The following COL21A1 variants were observed in gnomAD, a reference collection of about 807,000 sequenced individuals.
The protein encoded by COL21A1 is collagen type XXI alpha 1 chain, also known as collagen alpha-1(XXI) chain.
Under a neutral mutation model 137.9 loss-of-function variants are expected in COL21A1, and 149 were observed. The observed-to-expected ratio is 1.08, with a 90% CI of 0.95 to 1.24. COL21A1 has a LOEUF of 1.24. COL21A1 is among the 50% of genes most tolerant of loss of function. The probability of loss-of-function intolerance (pLI) is 0.00; values close to 1 mark genes in which losing one functional copy is unlikely to be tolerated. For synonymous variants in COL21A1, 456 were observed against 391.5 expected (o/e 1.16, Z -1.95); for missense variants, 1,167 against 1,158.4 (o/e 1.01, Z -0.11).
At chr6:56,202,145 T>C (rs74360040) in intron 1 of COL21A1, among the ~76,000 whole-genome samples, 1,992 of 152,190 alleles carry the variant, frequency 0.013, 44 homozygotes, top group African/African-American at 0.045. Flanking sequence ...CTGAAGTTTT[T>C]ACTCTTTCCA....
intron 16 of COL21A1, among the ~76,000 whole-genome samples, chr6:56,109,801 A>C (rs1771256986): frequency 6.6e-6 from 1 of 152,028 alleles, no homozygotes; most frequent in Admixed American, 6.5e-5. Flanking sequence ...ACTGAAAGGT[A>C]CAAATTGCTG....
Position 56,126,079 on chromosome 6 carries a change from A to G in COL21A1, c.1596+17T>C. ...AAAATGGCTTTGCTATATTTAAAAG[A>G]AACAGATTTCTTCAACCTTTGATCC... On this transcript the variant is annotated intron_variant, in intron 13 of 29. Transcript: ENST00000244728. 2.0e-6 allele frequency: 3 copies of G among 1,515,958 alleles called. No homozygotes were observed. Among genetic ancestry groups the G allele is most frequent in the Non-Finnish European group, 2.7e-6 (3 of 1,122,592 alleles). 93.9% of individuals were successfully genotyped at this position (1,515,958 alleles called of 1,614,324 possible).
chr6:56,303,057 T>C (rs935529720), intron 1 of COL21A1, among the ~76,000 whole-genome samples: 2 of 152,202 alleles, frequency 1.3e-5, no homozygotes, highest in African/African-American at 4.8e-5. Flanking sequence ...TGGCATTATT[T>C]CTGAGGGCTG....
At chr6:56,229,161 G>T (rs1462748225) in intron 1 of COL21A1, among the ~76,000 whole-genome samples, 1 of 151,864 alleles carries the variant, frequency 6.6e-6, no homozygotes, top group Non-Finnish European at 1.5e-5. Context: ...CAGGAGAATT[G>T]CTTGAGATCA....
chr6:56,124,382 A>G, intron 14 of COL21A1, 90 bp from the exon 15 acceptor site: 3 of 1,228,968 alleles, frequency 2.4e-6, no homozygotes, highest in Non-Finnish European at 3.5e-6. Flanking sequence ...TACTAAGTTA[A>G]CATCATTATG....
At chr6:56,065,526 G>A (rs566205672) in intron 23 of COL21A1, among the ~76,000 whole-genome samples, 16 of 152,074 alleles carry the variant, frequency 1.1e-4, no homozygotes, top group African/African-American at 3.6e-4. Flanking sequence ...CATCTGGGTT[G>A]GATATTATTG....
chr6:56,197,524 CTGATTAAAG>C (rs1456183751), intron 1 of COL21A1, among the ~76,000 whole-genome samples: 1 of 151,936 alleles, frequency 6.6e-6, no homozygotes, highest in Non-Finnish European at 1.5e-5. Context: ...AAATAAAAAA[CTGATTAAAG>C]GATAGGCAAA....
intron 1 of COL21A1, among the ~76,000 whole-genome samples, chr6:56,287,966 AG>A (rs1156825253): frequency 6.6e-6 from 1 of 152,140 alleles, no homozygotes; most frequent in Non-Finnish European, 1.5e-5. Flanking sequence ...GGCAAGGACA[AG>A]GATTCTTCCC....
At chr6:56,245,940 C>A (rs535028594) in intron 1 of COL21A1, among the ~76,000 whole-genome samples, 71 of 152,304 alleles carry the variant, frequency 4.7e-4, no homozygotes, top group African/African-American at 1.6e-3. Context: ...TTGCAGCACG[C>A]ATGTGCTGGG....
intron 1 of COL21A1, among the ~76,000 whole-genome samples, chr6:56,289,561 T>C (rs1417052293): frequency 1.3e-5 from 2 of 152,212 alleles, no homozygotes; most frequent in African/African-American, 4.8e-5. Context: ...AAGCCCATAG[T>C]AAATGCTCAG....
chr6:56,061,760 C>A, intron 24 of COL21A1, 79 bp from the exon 25 acceptor site: 1 of 900,324 alleles, frequency 1.1e-6, no homozygotes, highest in Non-Finnish European at 1.7e-6. Context: ...TTACCACATA[C>A]TTAATTAAAT....
At chr6:56,129,985 C>A (rs1773389678) in intron 12 of COL21A1, among the ~76,000 whole-genome samples, 1 of 150,788 alleles carries the variant, frequency 6.6e-6, no homozygotes, top group Admixed American at 6.6e-5. Flanking sequence ...GTGTGTCATT[C>A]AGAAATTTTA....
intron 1 of COL21A1, among the ~76,000 whole-genome samples, chr6:56,337,150 T>C (rs1384678142): frequency 6.6e-6 from 1 of 152,172 alleles, no homozygotes; most frequent in Non-Finnish European, 1.5e-5. Context: ...AAATAACAAC[T>C]ATGAGTGGAC....
intron 1 of COL21A1, among the ~76,000 whole-genome samples, chr6:56,221,764 C>T (rs1488673470): frequency 2.0e-5 from 3 of 152,048 alleles, no homozygotes; most frequent in Non-Finnish European, 4.4e-5. Flanking sequence ...ATTGGATATT[C>T]TTCTCTGTAT....
intron 7 of COL21A1, chr6:56,166,695 T>G (rs905171262): frequency 4.6e-6 from 3 of 647,106 alleles, no homozygotes; most frequent in Non-Finnish European, 8.3e-6. Flanking sequence ...CTTGTGGTCT[T>G]TCATTCATAC....
intron 10 of COL21A1, among the ~76,000 whole-genome samples, chr6:56,143,704 G>A (rs1255869380): frequency 2.0e-5 from 3 of 152,046 alleles, no homozygotes; most frequent in Non-Finnish European, 4.4e-5. Flanking sequence ...ACAAAACAAC[G>A]TGCATTTTTC....
rs567171302 is a variant in COL21A1, at chr6:56,299,764, C to T, written c.-39+94207G>A. Among the ~76,000 whole-genome samples, 16 of 152,042 alleles carry T rather than the reference C, an allele frequency of 1.1e-4. No homozygotes were observed. The East Asian group carries it at 1.4e-3, about 13-fold the overall frequency. On this transcript the variant is annotated intron_variant, in intron 1 of 28. Transcript: ENST00000370819. Reference sequence around the variant, plus strand: ...TTCTCCCTCAGAATATTCCCTAATCCCAGAAGGTCTCTATGTTCCTTCTAC... The same window carrying T: ...TTCTCCCTCAGAATATTCCCTAATCTCAGAAGGTCTCTATGTTCCTTCTAC...
intron 3 of COL21A1, among the ~76,000 whole-genome samples, chr6:56,175,918 G>A (rs1420787116): frequency 6.6e-6 from 1 of 152,024 alleles, no homozygotes; most frequent in Non-Finnish European, 1.5e-5. Context: ...GTATGGTAAA[G>A]GCATAAAAAC....
intron 3 of COL21A1, 26 bp from the exon 4 acceptor site, chr6:56,171,154 G>A: frequency 6.5e-7 from 1 of 1,537,962 alleles, no homozygotes; most frequent in Non-Finnish European, 8.8e-7. Flanking sequence ...AATAAAAGTT[G>A]GTTAATCATG....
Sources: allele counts gnomAD v4.1 joint callset (sites outside exome capture counted in the v4.1 genomes callset), GRCh38; gene constraint gnomAD v4.1.1; transcripts MANE v1.5; gene names NCBI Gene and HGNC (gene_info 2026-07-23, HGNC 2026-07-21).